SORCS2: variants seen among roughly 807,000 people sequenced by gnomAD.
SORCS2 encodes the protein VPS10 domain-containing receptor SorCS2.
SORCS2 carries 100 observed loss-of-function variants against 141.6 expected under a neutral mutation model. The observed-to-expected ratio is 0.71, with a 90% CI of 0.60 to 0.83. The LOEUF is 0.83. Ranked by LOEUF, SORCS2 falls within the 40% of genes least tolerant of loss-of-function variation. SORCS2 has a pLI of 0.00. For missense variants in SORCS2, 1,646 were observed against 1,560.2 expected, an observed-to-expected ratio of 1.05 and a Z score of -0.93; for synonymous variants, 789 against 676.9, an observed-to-expected ratio of 1.17 and a Z score of -2.57.
At chr4:7,679,827 T>C (rs1015929734) in intron 9 of SORCS2, among the ~76,000 whole-genome samples, 3 of 151,084 alleles carry the variant, frequency 2.0e-5, no homozygotes, top group African/African-American at 7.3e-5. Flanking sequence ...AGAGACACAC[T>C]GATATTCTAA....
At chr4:7,431,545 G>C (rs911749478) in intron 2 of SORCS2, 1 of 152,370 alleles carries the variant, frequency 6.6e-6, no homozygotes, top group African/African-American at 2.4e-5. Flanking sequence ...GAGAGCCTCT[G>C]GGGCTGCTCC....
chr4:7,292,658 C>T (rs1716688930), intron 1 of SORCS2, among the ~76,000 whole-genome samples: 2 of 152,184 alleles, frequency 1.3e-5, no homozygotes, highest in African/African-American at 2.4e-5. Context: ...TCTAAAGGTT[C>T]AAGGGGGTTT....
chr4:7,407,524 G>A (rs1008479263), intron 2 of SORCS2, among the ~76,000 whole-genome samples: 1 of 151,952 alleles, frequency 6.6e-6, no homozygotes, highest in Non-Finnish European at 1.5e-5. Flanking sequence ...GTTTCAAGTT[G>A]CATGGAATAA....
In SORCS2 at chr4:7,733,327, C is replaced by G. The variant is rs761900207; in HGVS notation, c.3114C>G (p.Leu1038=). The change falls in exon 24 of 27, where the codon CTC becomes CTG. Residue 1038 remains leucine (L), a synonymous_variant. Transcript: ENST00000507866. The stretch of plus-strand genomic sequence containing the variant: ...TGTCCCCTCTGTGCTTGCAGAGGCT[C>G]GCCGCCATCCAGCAGGTGCTGAACG... The part of the protein sequence containing the change: ...RKRSLSSDKR[L]AAIQQVLNAQ... 1.8e-5 allele frequency: 28 copies of G among 1,548,292 alleles called. No individual in the cohort carries two copies. In the Admixed American group the frequency reaches 2.0e-4, roughly 11 times the overall value.
At chr4:7,210,392 C>CT in intron 1 of SORCS2, among the ~76,000 whole-genome samples, 1 of 152,382 alleles carries the variant, frequency 6.6e-6, no homozygotes, top group Non-Finnish European at 1.5e-5. Context: ...CGCCCTCCTC[C>CT]TGCCTCGGCC....
At chr4:7,434,801 C>G (rs929565317) in intron 2 of SORCS2, 12 of 1,609,392 alleles carry the variant, frequency 7.5e-6, no homozygotes, top group Non-Finnish European at 9.3e-6. Context: ...GAGCCCTTTG[C>G]ACACTCCTGG....
intron 1 of SORCS2, among the ~76,000 whole-genome samples, chr4:7,347,569 A>G (rs1403342276): frequency 1.3e-5 from 2 of 152,152 alleles, no homozygotes; most frequent in African/African-American, 4.8e-5. Flanking sequence ...ATCACACAGC[A>G]CTTACGTGGT....
chr4:7,504,075 C>T (rs1249878351), intron 2 of SORCS2, among the ~76,000 whole-genome samples: 2 of 152,194 alleles, frequency 1.3e-5, no homozygotes, highest in Non-Finnish European at 2.9e-5. Context: ...CAGGCCTCAC[C>T]CTGGTCACTC....
intron 1 of SORCS2, among the ~76,000 whole-genome samples, chr4:7,288,811 G>T: frequency 6.6e-6 from 1 of 150,380 alleles, no homozygotes; most frequent in Non-Finnish European, 1.5e-5. Context: ...AGTTGGGGAG[G>T]GCACAGTTCA....
chr4:7,533,297 C>A (rs1489546193), intron 3 of SORCS2, among the ~76,000 whole-genome samples: 4 of 152,202 alleles, frequency 2.6e-5, no homozygotes, highest in Non-Finnish European at 1.5e-5. Context: ...GACACTCTGC[C>A]TTCCAGCCCG....
Position 7,519,154 on chromosome 4 carries a change from C to T in SORCS2, c.549-12376C>T, listed in dbSNP as rs1292779481. On this transcript the variant is annotated intron_variant, in intron 2 of 26. Coordinates refer to ENST00000507866, the MANE Select transcript of SORCS2 (RefSeq NM_020777.3). Reference sequence around the variant, plus strand: ...TCTGCTGGAGGTTGACAAGGCTCTGCATGCCGAGGGGAGCACCGGCAGCTC... The same window carrying T: ...TCTGCTGGAGGTTGACAAGGCTCTGTATGCCGAGGGGAGCACCGGCAGCTC... Among the ~76,000 whole-genome samples, 3 of 152,204 alleles carry T rather than the reference C, an allele frequency of 2.0e-5. No homozygotes were observed. The South Asian group carries it at 6.2e-4, about 32-fold the overall frequency.
chr4:7,689,082 C>T (rs1015694042), intron 10 of SORCS2, among the ~76,000 whole-genome samples: 7 of 152,124 alleles, frequency 4.6e-5, no homozygotes, highest in East Asian at 1.9e-4. Flanking sequence ...TCCCATGGCC[C>T]GGCACTTGAC....
At chr4:7,238,804 C>T (rs1335642810) in intron 1 of SORCS2, among the ~76,000 whole-genome samples, 2 of 152,202 alleles carry the variant, frequency 1.3e-5, no homozygotes, top group Admixed American at 6.5e-5. Flanking sequence ...TCCGCCAGCT[C>T]CTGGTGCACA....
At chr4:7,723,226 C>T (rs755793212) in intron 18 of SORCS2, among the ~76,000 whole-genome samples, 1 of 152,162 alleles carries the variant, frequency 6.6e-6, no homozygotes, top group African/African-American at 2.4e-5. Flanking sequence ...ACCGCAGCTT[C>T]CCAGAAAGGA....
intron 3 of SORCS2, among the ~76,000 whole-genome samples, chr4:7,576,854 G>A (rs184275807): frequency 5.9e-5 from 9 of 152,260 alleles, no homozygotes; most frequent in African/African-American, 1.4e-4. Flanking sequence ...GAACTCATGC[G>A]TGCCCCACCC....
At chr4:7,518,769 C>T (rs528479511) in intron 2 of SORCS2, among the ~76,000 whole-genome samples, 1 of 152,310 alleles carries the variant, frequency 6.6e-6, no homozygotes, top group Admixed American at 6.5e-5. Flanking sequence ...CCATGTCAGG[C>T]CAGAGACTCA....
At chr4:7,582,101 G>T (rs550810665) in intron 3 of SORCS2, among the ~76,000 whole-genome samples, 1 of 152,262 alleles carries the variant, frequency 6.6e-6, no homozygotes, top group South Asian at 2.1e-4. Flanking sequence ...ACTTATTGGA[G>T]ACATATTATA....
chr4:7,267,219 C>T (rs1714802816), intron 1 of SORCS2, among the ~76,000 whole-genome samples: 1 of 152,192 alleles, frequency 6.6e-6, no homozygotes, highest in Non-Finnish European at 1.5e-5. Context: ...TCTCCTAAGC[C>T]TTTCTTACCC....
chr4:7,712,947 A>G lies in SORCS2; in HGVS notation c.1989+94A>G, dbSNP rs573462502. 1.9e-4 allele frequency: 293 copies of G among 1,524,372 alleles called. 2 individuals carry two copies. The South Asian group carries it at 3.3e-3, about 17-fold the overall frequency. 94.4% of individuals were successfully genotyped at this position (1,524,372 alleles called of 1,614,324 possible). Reference sequence around the variant, plus strand: ...CCAAAGTCCTCCCCTGCAAGGCCGCAGGGCACCTCCCCGCCTCCAAGAAGT... The same window carrying G: ...CCAAAGTCCTCCCCTGCAAGGCCGCGGGGCACCTCCCCGCCTCCAAGAAGT... On this transcript the variant is annotated intron_variant, in intron 15 of 26. Transcript: ENST00000507866.
Sources: gnomAD v4.1 joint callset for allele counts (sites outside exome capture counted in the v4.1 genomes callset) on GRCh38, gnomAD v4.1.1 for gene constraint, MANE v1.5 for transcripts, NCBI Gene and HGNC (gene_info 2026-07-23, HGNC 2026-07-21) for gene names.